Variants in CBFA2T2 observed in about 807,000 individuals in gnomAD.
The protein encoded by CBFA2T2 is CBFA2/RUNX1 partner transcriptional co-repressor 2.
In CBFA2T2, 11 loss-of-function variants were observed where a neutral mutation model predicts 62.2. The ratio of observed to expected loss-of-function variants is 0.18; its 90% confidence interval spans 0.11 to 0.29. The LOEUF (loss-of-function observed/expected upper bound fraction) is 0.29. Among genes scored for constraint, CBFA2T2 ranks in the 10% least tolerant of loss-of-function variants. The pLI is 1.00. For synonymous variants in CBFA2T2, 295 were observed against 287.5 expected (o/e 1.03, Z -0.27); for missense variants, 592 against 774.1 (o/e 0.76, Z 2.79).
At chr20:33,537,163 C>T (rs1377929400) in intron 1 of CBFA2T2, among the ~76,000 whole-genome samples, 1 of 152,240 alleles carries the variant, frequency 6.6e-6, no homozygotes, top group African/African-American at 2.4e-5. Flanking sequence ...TTGTAGCGAG[C>T]CGAGATCACG....
chr20:33,490,256 C>A lies in CBFA2T2; in HGVS notation c.-12C>A. 8.1e-7 allele frequency: 1 copy of A among 1,237,384 alleles called. No individual in the cohort carries two copies. Among genetic ancestry groups the A allele is most frequent in the Non-Finnish European group, 1.0e-6 (1 of 990,884 alleles). 76.7% of individuals were successfully genotyped at this position (1,237,384 alleles called of 1,614,324 possible). On this transcript the variant is annotated 5_prime_UTR_variant, in exon 1 of 11. Coordinates refer to ENST00000342704, the MANE Select transcript of CBFA2T2 (RefSeq NM_001032999.3). ...GGTAGAGGCGGGCGGCGCGCGGCGG[C>A]GGCGCTCGGCGATGGTAGGCGTCCC...
intron 3 of CBFA2T2, 146 bp from the exon 4 acceptor site, chr20:33,619,371 C>A (rs1031774114): frequency 6.7e-6 from 3 of 445,522 alleles, no homozygotes; most frequent in Admixed American, 4.3e-5. Context: ...CGCGCCACTG[C>A]GCTCTGGCCT....
intron 8 of CBFA2T2, among the ~76,000 whole-genome samples, chr20:33,635,974 T>C (rs1811115706): frequency 6.6e-6 from 1 of 152,190 alleles, no homozygotes; most frequent in Non-Finnish European, 1.5e-5. Flanking sequence ...TCTTGTAGAA[T>C]TTTCTATGTA....
At chr20:33,511,802 T>C (rs1449924675) in intron 1 of CBFA2T2, among the ~76,000 whole-genome samples, 3 of 152,150 alleles carry the variant, frequency 2.0e-5, no homozygotes. Flanking sequence ...GAAGATCACT[T>C]GAGCCCAGGA....
chr20:33,572,036 G>A (rs547433220), intron 1 of CBFA2T2, among the ~76,000 whole-genome samples: 3 of 152,286 alleles, frequency 2.0e-5, no homozygotes, highest in East Asian at 1.9e-4. Context: ...GACTACAGGC[G>A]CCTGCCACCA....
intron 4 of CBFA2T2, among the ~76,000 whole-genome samples, chr20:33,621,388 C>T (rs1460253468): frequency 1.3e-5 from 2 of 148,338 alleles, no homozygotes; most frequent in African/African-American, 5.0e-5. Context: ...CCTCTGCCTC[C>T]CGAGTTCAAG....
chr20:33,584,863 C>T (rs1156326306), intron 1 of CBFA2T2, among the ~76,000 whole-genome samples: 1 of 152,118 alleles, frequency 6.6e-6, no homozygotes, highest in Non-Finnish European at 1.5e-5. Flanking sequence ...ACATGATATC[C>T]TTTAAACTAC....
chr20:33,517,856 G>A (rs561144003), intron 1 of CBFA2T2, among the ~76,000 whole-genome samples: 12 of 152,090 alleles, frequency 7.9e-5, no homozygotes, highest in Non-Finnish European at 1.0e-4. Context: ...GTGTGGGCCA[G>A]GTTGGTCTCA....
chr20:33,571,211 G>A (rs2013552280), intron 1 of CBFA2T2, among the ~76,000 whole-genome samples: 1 of 152,156 alleles, frequency 6.6e-6, no homozygotes, highest in African/African-American at 2.4e-5. Context: ...TGGTAATTAT[G>A]TTGTTTTTTG....
intron 1 of CBFA2T2, among the ~76,000 whole-genome samples, chr20:33,597,007 C>G (rs2014923338): frequency 6.6e-6 from 1 of 151,198 alleles, no homozygotes; most frequent in African/African-American, 2.4e-5. Context: ...TCACTGCAGC[C>G]TGAAACTCCA....
intron 1 of CBFA2T2, among the ~76,000 whole-genome samples, chr20:33,493,264 T>TG (rs1211622271): frequency 6.6e-6 from 1 of 151,596 alleles, no homozygotes; most frequent in African/African-American, 2.4e-5. Flanking sequence ...ATAGTAGAGA[T>TG]GGGGTTTCAC....
At chr20:33,564,069 C>T (rs2013191369) in intron 1 of CBFA2T2, among the ~76,000 whole-genome samples, 1 of 151,936 alleles carries the variant, frequency 6.6e-6, no homozygotes, top group South Asian at 2.1e-4. Context: ...GTTTTTCCCC[C>T]GTGTATTACA....
intron 8 of CBFA2T2, among the ~76,000 whole-genome samples, chr20:33,630,966 A>G (rs2016425583): frequency 6.6e-6 from 1 of 152,208 alleles, no homozygotes; most frequent in South Asian, 2.1e-4. Context: ...AATATCTAGC[A>G]CAACAAGGCG....
intron 10 of CBFA2T2, among the ~76,000 whole-genome samples, chr20:33,642,651 G>C (rs1159663227): frequency 1.3e-5 from 2 of 152,010 alleles, no homozygotes; most frequent in Admixed American, 1.3e-4. Context: ...GGCAAGATGA[G>C]GGGGAAAGAA....
At chr20:33,580,180 G>A (rs1235954527) in intron 1 of CBFA2T2, among the ~76,000 whole-genome samples, 1 of 151,954 alleles carries the variant, frequency 6.6e-6, no homozygotes, top group African/African-American at 2.4e-5. Flanking sequence ...TTACAAAATT[G>A]GGAATATACA....
chr20:33,523,354 A>C (rs1420829732), intron 1 of CBFA2T2, among the ~76,000 whole-genome samples: 1 of 151,054 alleles, frequency 6.6e-6, no homozygotes, highest in Non-Finnish European at 1.5e-5. Flanking sequence ...ATCTTGGCTC[A>C]CTGCAACCTC....
At chr20:33,515,497 C>T (rs1045720992) in intron 1 of CBFA2T2, among the ~76,000 whole-genome samples, 6 of 151,674 alleles carry the variant, frequency 4.0e-5, no homozygotes, top group Admixed American at 2.0e-4. Flanking sequence ...CTGTAGTGTT[C>T]TGCATTGACA....
rs367852399 is a variant in CBFA2T2, at chr20:33,640,483, C to T, written c.1440C>T (p.Ala480=). ...EQTIADVKRQ[A]AEDAFLVINE... ...CCATAGCGGATGTCAAGCGGCAGGC[C>T]GCAGAGGATGCTTTCCTCGTCATCA... Residue 480 remains alanine (A), a synonymous_variant, in exon 10 of 11, where the codon GCC becomes GCT. Transcript: ENST00000342704. 8.1e-6 allele frequency: 13 copies of T among 1,614,078 alleles called. No homozygotes were observed. Among genetic ancestry groups the T allele is most frequent in the South Asian group, 4.4e-5 (4 of 91,084 alleles).
At chr20:33,499,057 A>T (rs2011237673) in intron 1 of CBFA2T2, among the ~76,000 whole-genome samples, 1 of 151,982 alleles carries the variant, frequency 6.6e-6, no homozygotes, top group African/African-American at 2.4e-5. Context: ...AGAAAAAAAA[A>T]AAAAATAAGC....
Sources: allele counts gnomAD v4.1 joint callset (sites outside exome capture counted in the v4.1 genomes callset), GRCh38; gene constraint gnomAD v4.1.1; transcripts MANE v1.5; gene names NCBI Gene and HGNC (gene_info 2026-07-23, HGNC 2026-07-21).